Variants in VEGFC observed in about 807,000 individuals in gnomAD.
VEGFC encodes vascular endothelial growth factor C.
VEGFC carries 12 observed loss-of-function variants against 46.1 expected under a neutral mutation model. That is an observed-to-expected ratio of 0.26 (90% CI 0.17 to 0.42). The LOEUF (loss-of-function observed/expected upper bound fraction) is 0.42, where lower values mean the gene tolerates loss of function less well. Ranked by LOEUF, VEGFC falls within the 10% of genes least tolerant of loss-of-function variation. The pLI is 1.00. For missense variants in VEGFC, 488 were observed against 529.4 expected (o/e 0.92, Z 0.77); for synonymous variants, 232 against 195.5 (o/e 1.19, Z -1.56).
chr4:176,740,514 TATAG>T (rs35119656), intron 1 of VEGFC, among the ~76,000 whole-genome samples: 96,956 of 135,790 alleles, frequency 0.71, 39,976 homozygotes, highest in East Asian at 0.94. Flanking sequence ...ATATTCTATA[TATAG>T]AGAGTATATA....
At position 176,711,799 on chromosome 4, in the gene VEGFC, A is replaced by G. The variant is rs371968637; in HGVS notation, c.553-149T>C. On this transcript the variant is annotated intron_variant, in intron 3 of 6. Transcript: ENST00000618562. ...GGACGCTATGTTTTTATGATTACAAAGTAAAAACTGTCTTGCTCCTAACCA... is the reference window on the plus strand; with the variant it reads ...GGACGCTATGTTTTTATGATTACAAGGTAAAAACTGTCTTGCTCCTAACCA... 34 of 697,060 alleles carry G rather than the reference A, an allele frequency of 4.9e-5. No individual in the cohort carries two copies. The East Asian group carries it at 6.1e-4, about 13-fold the overall frequency. 43.2% of individuals were successfully genotyped at this position (697,060 alleles called of 1,614,324 possible).
chr4:176,729,392 G>C, intron 2 of VEGFC, 141 bp downstream of exon 2: 2 of 656,124 alleles, frequency 3.0e-6, no homozygotes, highest in South Asian at 4.9e-5. Flanking sequence ...GTTGTATTTT[G>C]AAGTAATTCT....
intron 1 of VEGFC, among the ~76,000 whole-genome samples, chr4:176,775,332 T>C (rs1735797673): frequency 6.6e-6 from 1 of 152,216 alleles, no homozygotes; most frequent in African/African-American, 2.4e-5. Context: ...CAAGATTATA[T>C]TTCTTATTTA....
chr4:176,701,534 A>C (rs993936891), intron 4 of VEGFC, among the ~76,000 whole-genome samples: 10 of 152,198 alleles, frequency 6.6e-5, no homozygotes, highest in Admixed American at 5.2e-4. Context: ...AGGTAGAAAC[A>C]AGACTGTCCA....
intron 1 of VEGFC, among the ~76,000 whole-genome samples, chr4:176,741,670 T>A (rs1423776832): frequency 3.9e-5 from 6 of 152,006 alleles, no homozygotes; most frequent in African/African-American, 9.7e-5. Flanking sequence ...ATTGAAATGT[T>A]TGGTGCAACT....
chr4:176,767,577 G>T (rs974832246), intron 1 of VEGFC, among the ~76,000 whole-genome samples: 6 of 152,284 alleles, frequency 3.9e-5, no homozygotes, highest in Admixed American at 2.6e-4. Flanking sequence ...ATAGTACCTG[G>T]ATGCTTCATG....
intron 4 of VEGFC, among the ~76,000 whole-genome samples, chr4:176,694,674 A>C (rs1418446580): frequency 1.3e-5 from 2 of 149,168 alleles, no homozygotes; most frequent in Non-Finnish European, 3.0e-5. Context: ...AATGGAATAT[A>C]TATTTTTTTC....
At chr4:176,769,034 G>A (rs1408057088) in intron 1 of VEGFC, among the ~76,000 whole-genome samples, 4 of 152,014 alleles carry the variant, frequency 2.6e-5, no homozygotes, top group Admixed American at 2.6e-4. Flanking sequence ...GGTCATGAGG[G>A]TGGAGCCCTC....
Position 176,727,422 on chromosome 4 carries a change from A to G in VEGFC, c.552+356T>C, listed in dbSNP as rs182928214. ...ATCTCCACCATCTGAAAACTCACCC[A>G]TTTAAAAGTATTTTATTGCCAAATG... On this transcript the variant is annotated intron_variant, in intron 3 of 6. Transcript: ENST00000618562. Among the ~76,000 whole-genome samples, 273 of 152,304 alleles carry G rather than the reference A, an allele frequency of 1.8e-3. 1 individual carries two copies. Among genetic ancestry groups the G allele is most frequent in the African/African-American group, 6.4e-3 (264 of 41,572 alleles).
chr4:176,697,800 C>A (rs1369308078), intron 4 of VEGFC, among the ~76,000 whole-genome samples: 1 of 150,402 alleles, frequency 6.6e-6, no homozygotes, highest in Non-Finnish European at 1.5e-5. Flanking sequence ...GAATACTATG[C>A]AGCCATAAAA....
intron 1 of VEGFC, among the ~76,000 whole-genome samples, chr4:176,743,006 C>T (rs1735202179): frequency 6.6e-6 from 1 of 151,952 alleles, no homozygotes; most frequent in African/African-American, 2.4e-5. Context: ...GAAGCGAGCC[C>T]AAGTGGGTGC....
rs1462351430 is a variant in VEGFC at position 176,692,596 on chromosome 4, C to T, written c.705-4669G>A. Among the ~76,000 whole-genome samples the T allele has an allele frequency of 5.6e-4, 76 of 135,742 alleles. 12 individuals are homozygous for T. The highest frequency in any genetic ancestry group is 2.3e-3 in the African/African-American group (66 of 28,700). The allele number at this position is 135,742 out of a possible 152,430, so 89.1% of individuals were successfully genotyped here. A position where few individuals can be genotyped will look rare whatever the true frequency, so the allele number is the denominator to read the frequency against. ...GGCTTGATTAGGTAAACAAAGCAGC[C>T]GGGAAGCTCGAACTGGGTGGAGCCC... On this transcript the variant is annotated intron_variant, in intron 4 of 6. Transcript: ENST00000618562.
intron 4 of VEGFC, among the ~76,000 whole-genome samples, chr4:176,699,373 G>T (rs1734384569): frequency 6.6e-6 from 1 of 152,136 alleles, no homozygotes. Flanking sequence ...AAACAAATAA[G>T]GGAAACCTGA....
intron 1 of VEGFC, among the ~76,000 whole-genome samples, chr4:176,781,832 AT>A (rs962483140): frequency 6.6e-6 from 1 of 152,206 alleles, no homozygotes; most frequent in Non-Finnish European, 1.5e-5. Flanking sequence ...TAAGGTGATT[AT>A]GTTTGTCATT....
rs183649013 is a variant in VEGFC, at chr4:176,752,374, G to A, written c.148-22628C>T. On this transcript the variant is annotated intron_variant, in intron 1 of 6. Transcript: ENST00000618562. ...TTTACATAGCTCATATTGGCACTCC[G>A]AATGGCCTGCTGACTTTCTACAATC... Among the ~76,000 whole-genome samples the A allele has an allele frequency of 3.7e-4, 57 of 152,164 alleles. No homozygotes were observed. In the East Asian group the frequency reaches 0.011, roughly 28 times the overall value.
intron 1 of VEGFC, among the ~76,000 whole-genome samples, chr4:176,734,351 C>A (rs1449410977): frequency 1.3e-5 from 2 of 151,606 alleles, no homozygotes; most frequent in African/African-American, 4.8e-5. Flanking sequence ...GTAATTTTGG[C>A]AAATAGTTTA....
At chr4:176,715,147 GAATCAA>G (rs1734677024) in intron 3 of VEGFC, among the ~76,000 whole-genome samples, 1 of 152,060 alleles carries the variant, frequency 6.6e-6, no homozygotes, top group South Asian at 2.1e-4. Flanking sequence ...CAACATAAAG[GAATCAA>G]AATCAAAATC....
In VEGFC at chr4:176,687,224, A is replaced by G. The variant is rs1460817924; in HGVS notation, c.1108T>C (p.Leu370=). 3.1e-6 allele frequency: 5 copies of G among 1,613,522 alleles called. No individual in the cohort carries two copies. The highest frequency in any genetic ancestry group is 3.4e-6 in the Non-Finnish European group (4 of 1,179,894). ...CECTESPQKC[L]LKGKKFHHQT... is the part of the protein sequence containing the mutation. The stretch of plus-strand genomic sequence containing the variant: ...TGGTGGAACTTCTTTCCTTTTAACA[A>G]GCATTTCTGTGGACTTTCTGTACAT... Residue 370 remains leucine, a synonymous_variant, in exon 6 of 7, where the codon TTG becomes CTG. Transcript: ENST00000618562.
chr4:176,735,218 G>T (rs1305787059), intron 1 of VEGFC, among the ~76,000 whole-genome samples: 1 of 151,730 alleles, frequency 6.6e-6, no homozygotes, highest in African/African-American at 2.4e-5. Context: ...AGTCTTTCAG[G>T]TATAAATGGA....
Sources: gnomAD v4.1 joint callset for allele counts (sites outside exome capture counted in the v4.1 genomes callset) on GRCh38, gnomAD v4.1.1 for gene constraint, MANE v1.5 for transcripts, NCBI Gene and HGNC (gene_info 2026-07-23, HGNC 2026-07-21) for gene names.